Variants in INPP4B observed in about 807,000 individuals in gnomAD.
INPP4B encodes the protein inositol polyphosphate 4-phosphatase type II.
In INPP4B, 55 loss-of-function variants were observed where a neutral mutation model predicts 122.5. The ratio of observed to expected loss-of-function variants is 0.45; its 90% CI spans 0.36 to 0.56. The LOEUF (loss-of-function observed/expected upper bound fraction) is 0.56. Among genes scored for constraint, INPP4B ranks in the 20% least tolerant of loss-of-function variants. The pLI is 0.00. For missense variants in INPP4B, 1,000 were observed against 1,097.7 expected, an observed-to-expected ratio of 0.91 and a Z score of 1.26; for synonymous variants, 403 against 388.7, an observed-to-expected ratio of 1.04 and a Z score of -0.43.
intron 2 of INPP4B, among the ~76,000 whole-genome samples, chr4:142,535,213 T>C (rs1287423784): frequency 6.6e-6 from 1 of 152,218 alleles, no homozygotes; most frequent in Non-Finnish European, 1.5e-5. Context: ...TGTCTGATGT[T>C]GTCCCTTGAG....
intron 9 of INPP4B, among the ~76,000 whole-genome samples, chr4:142,292,116 G>T (rs536235603): frequency 1.3e-5 from 2 of 152,270 alleles, no homozygotes; most frequent in Admixed American, 1.3e-4. Context: ...TGACATGAAA[G>T]AAAGAATAGC....
At chr4:142,335,108 G>GAAA (rs36074851) in intron 7 of INPP4B, among the ~76,000 whole-genome samples, 48 of 65,130 alleles carry the variant, frequency 7.4e-4, no homozygotes, top group African/African-American at 2.4e-3. Flanking sequence ...TGGGAAAAAT[G>GAAA]AAAAAAAAAA....
intron 2 of INPP4B, among the ~76,000 whole-genome samples, chr4:142,610,220 C>T (rs1235010198): frequency 6.6e-6 from 1 of 152,102 alleles, no homozygotes; most frequent in Non-Finnish European, 1.5e-5. Flanking sequence ...GGGAGTTCTG[C>T]ACAAGCCCTC....
intron 1 of INPP4B, among the ~76,000 whole-genome samples, chr4:142,774,818 C>T (rs969175692): frequency 3.9e-5 from 6 of 151,970 alleles, no homozygotes; most frequent in Non-Finnish European, 8.8e-5. Context: ...TTATTATTAA[C>T]CTCTTACATT....
intron 2 of INPP4B, among the ~76,000 whole-genome samples, chr4:142,490,350 A>G (rs1314863867): frequency 6.6e-6 from 1 of 152,064 alleles, no homozygotes; most frequent in East Asian, 1.9e-4. Flanking sequence ...TGGCCTCCCA[A>G]TGTGCTGGGA....
intron 2 of INPP4B, chr4:142,661,095 TC>T (rs781739455): frequency 6.6e-6 from 1 of 152,300 alleles, no homozygotes; most frequent in Non-Finnish European, 1.5e-5. Flanking sequence ...CTCGTCGTCT[TC>T]CTGTGTGGAC....
intron 23 of INPP4B, among the ~76,000 whole-genome samples, chr4:142,105,002 T>G (rs978966348): frequency 2.6e-5 from 4 of 152,168 alleles, no homozygotes; most frequent in African/African-American, 7.2e-5. Context: ...TAGTACTTTC[T>G]GCAGATGAAG....
At chr4:142,539,459 T>C (rs138214001) in intron 2 of INPP4B, among the ~76,000 whole-genome samples, 3,120 of 152,178 alleles carry the variant, frequency 0.021, 66 homozygotes, top group Non-Finnish European at 0.03. Flanking sequence ...ACTGACCACA[T>C]GGTTCAATCT....
At chr4:142,129,615 T>C (rs970129079) in intron 18 of INPP4B, among the ~76,000 whole-genome samples, 2 of 152,084 alleles carry the variant, frequency 1.3e-5, no homozygotes, top group African/African-American at 4.8e-5. Context: ...ACTAGGCTAA[T>C]TCCAGACAAT....
At chr4:142,341,270 AT>A (rs1436978924) in intron 7 of INPP4B, among the ~76,000 whole-genome samples, 1 of 152,218 alleles carries the variant, frequency 6.6e-6, no homozygotes, top group East Asian at 1.9e-4. Context: ...ACATGCACAT[AT>A]TTTAAGGGGT....
chr4:142,484,337 T>C (rs556612853), intron 2 of INPP4B, among the ~76,000 whole-genome samples: 1 of 152,172 alleles, frequency 6.6e-6, no homozygotes, highest in Admixed American at 6.5e-5. Context: ...GAAATATACA[T>C]GCATATAAAA....
At chr4:142,279,394 A>G (rs1167747899) in intron 9 of INPP4B, among the ~76,000 whole-genome samples, 1 of 151,958 alleles carries the variant, frequency 6.6e-6, no homozygotes, top group African/African-American at 2.4e-5. Context: ...TTGTAAATCT[A>G]GAGTAATTAA....
chr4:142,513,552 C>T (rs930401756), intron 2 of INPP4B, among the ~76,000 whole-genome samples: 4 of 152,176 alleles, frequency 2.6e-5, no homozygotes, highest in Admixed American at 6.5e-5. Context: ...GGATTACAGG[C>T]GCCTGCCACC....
chr4:142,600,826 A>C (rs1739734333), intron 2 of INPP4B, among the ~76,000 whole-genome samples: 1 of 152,194 alleles, frequency 6.6e-6, no homozygotes, highest in Non-Finnish European at 1.5e-5. Flanking sequence ...AGGCACATAT[A>C]AAGTAAAAGG....
chr4:142,296,490 A>T (rs1375878168), intron 9 of INPP4B, among the ~76,000 whole-genome samples: 1 of 152,226 alleles, frequency 6.6e-6, no homozygotes, highest in Non-Finnish European at 1.5e-5. Flanking sequence ...AAAAACCGGC[A>T]CTAGAGAAGC....
intron 3 of INPP4B, among the ~76,000 whole-genome samples, chr4:142,438,716 G>A (rs1580064148): frequency 6.6e-6 from 1 of 152,064 alleles, no homozygotes; most frequent in Admixed American, 6.6e-5. Context: ...TAATTAAAGA[G>A]CTTCTGCACA....
At chr4:142,133,366 G>A (rs976369428) in intron 18 of INPP4B, among the ~76,000 whole-genome samples, 1 of 152,092 alleles carries the variant, frequency 6.6e-6, no homozygotes, top group Non-Finnish European at 1.5e-5. Flanking sequence ...CATTTCAAAT[G>A]TCTTACCCTA....
chr4:142,400,072 AG>A (rs1801091957), intron 7 of INPP4B, among the ~76,000 whole-genome samples: 1 of 152,220 alleles, frequency 6.6e-6, no homozygotes, highest in South Asian at 2.1e-4. Flanking sequence ...CTAGTTAGTG[AG>A]GTAACATCTG....
chr4:142,818,224 T>A (rs1780355378), intron 1 of INPP4B, among the ~76,000 whole-genome samples: 1 of 152,196 alleles, frequency 6.6e-6, no homozygotes, highest in Admixed American at 6.5e-5. Flanking sequence ...CCTACTCCCC[T>A]GCCCTGGCCA....
Sources: gnomAD v4.1 joint callset for allele counts (sites outside exome capture counted in the v4.1 genomes callset) on GRCh38, gnomAD v4.1.1 for gene constraint, MANE v1.5 for transcripts, NCBI Gene and HGNC (gene_info 2026-07-23, HGNC 2026-07-21) for gene names.